SLC4A4: variants seen among roughly 807,000 people sequenced by gnomAD.
The protein encoded by SLC4A4 is electrogenic sodium bicarbonate cotransporter 1.
Under a neutral mutation model 111.5 loss-of-function variants are expected in SLC4A4, and 27 were observed. That is an observed-to-expected ratio of 0.24 (90% CI 0.18 to 0.33). The LOEUF (loss-of-function observed/expected upper bound fraction) is 0.33. SLC4A4 is among the 10% of genes least tolerant of loss of function. The pLI is 1.00. For synonymous variants in SLC4A4, 443 were observed against 463.4 expected, an observed-to-expected ratio of 0.96 and a Z score of 0.57; for missense variants, 909 against 1,315.5, an observed-to-expected ratio of 0.69 and a Z score of 4.78.
intron 2 of SLC4A4, among the ~76,000 whole-genome samples, chr4:71,120,105 G>A (rs1441780111): frequency 6.6e-6 from 1 of 152,092 alleles, no homozygotes; most frequent in African/African-American, 2.4e-5. Flanking sequence ...TCTTATGCTT[G>A]TGGTTTCTAC....
intron 1 of SLC4A4, among the ~76,000 whole-genome samples, chr4:71,084,699 C>T (rs1203830125): frequency 3.9e-5 from 6 of 152,056 alleles, no homozygotes; most frequent in African/African-American, 1.5e-4. Context: ...ATGATGGTTT[C>T]CAGCTTCATC....
At chr4:71,451,145 T>C in intron 10 of SLC4A4, 43 bp from the exon 11 acceptor site, 8 of 1,275,694 alleles carry the variant, frequency 6.3e-6, no homozygotes, top group Non-Finnish European at 9.2e-6. Context: ...AGCGAATGAA[T>C]AAAATAAACT....
chr4:71,417,709 AT>A (rs560647859), intron 7 of SLC4A4, among the ~76,000 whole-genome samples: 262 of 152,334 alleles, frequency 1.7e-3, no homozygotes, highest in African/African-American at 6.1e-3. Context: ...CTCATTAAAA[AT>A]TTTAAAGGTA....
In SLC4A4 at chr4:71,568,546, C is replaced by T. The variant is rs1361268314; in HGVS notation, c.*795C>T. 6.6e-6 allele frequency: 1 copy of T among 152,086 alleles called. No homozygotes were observed. The highest frequency in any genetic ancestry group is 6.6e-5 in the Admixed American group (1 of 15,168). 9.4% of individuals were successfully genotyped at this position (152,086 alleles called of 1,614,324 possible). ...CTTTAATGAACTTATCTGTTGAGTA[C>T]ATTGAAGAATATTTTTCTTCCTAGA... On this transcript the variant is annotated 3_prime_UTR_variant, in exon 26 of 26. Transcript: ENST00000264485.
At chr4:71,512,991 G>A (rs1378742856) in intron 16 of SLC4A4, among the ~76,000 whole-genome samples, 2 of 152,024 alleles carry the variant, frequency 1.3e-5, no homozygotes, top group African/African-American at 4.8e-5. Context: ...TGGTCTACGT[G>A]TCTATTTTTA....
chr4:71,085,672 C>A (rs138742340), intron 1 of SLC4A4, among the ~76,000 whole-genome samples: 1 of 151,862 alleles, frequency 6.6e-6, no homozygotes, highest in Admixed American at 6.6e-5. Context: ...AATCCTTTCC[C>A]CATTGCTTGT....
At chr4:71,072,693 A>C (rs1190467292) in intron 1 of SLC4A4, among the ~76,000 whole-genome samples, 1 of 152,042 alleles carries the variant, frequency 6.6e-6, no homozygotes, top group Admixed American at 6.6e-5. Flanking sequence ...ATGATGTTGA[A>C]TCTTTCTAAT....
rs139372426 is a variant in SLC4A4 at position 71,231,867 on chromosome 4, G to C, written c.-1-4709G>C. ...AAGGAGGAACTAGTTGGGTCAGATG[G>C]TTATTTTAAAAGATATCTCTGTCTT... On this transcript the variant is annotated intron_variant, in intron 1 of 25. Transcript: ENST00000264485. Among the ~76,000 whole-genome samples, 31 of 152,288 alleles carry C rather than the reference G, an allele frequency of 2.0e-4. No homozygotes were observed. In the East Asian group the frequency reaches 6.0e-3, roughly 29 times the overall value.
chr4:71,493,024 G>A (rs560031370), intron 15 of SLC4A4, among the ~76,000 whole-genome samples: 2 of 151,738 alleles, frequency 1.3e-5, no homozygotes, highest in African/African-American at 4.8e-5. Context: ...TACCTGTAAA[G>A]GTTACATTCG....
intron 3 of SLC4A4, among the ~76,000 whole-genome samples, chr4:71,333,898 T>TTTTTTTTTTTTTTTTTTTTGAGACGG (rs1478636727): frequency 6.6e-6 from 1 of 152,092 alleles, no homozygotes; most frequent in South Asian, 2.1e-4. Flanking sequence ...CCTGGGTTTC[T>TTTTTTTTTTTTTTTTTTTTGAGACGG]AACTTCAGGG....
At chr4:71,426,597 T>C (rs566343196) in intron 7 of SLC4A4, among the ~76,000 whole-genome samples, 3 of 152,142 alleles carry the variant, frequency 2.0e-5, no homozygotes, top group Non-Finnish European at 4.4e-5. Flanking sequence ...TATGTATAGT[T>C]CTTGGTAGGT....
At chr4:71,066,173 A>G (rs1035747220) in intron 1 of SLC4A4, among the ~76,000 whole-genome samples, 4 of 152,316 alleles carry the variant, frequency 2.6e-5, no homozygotes, top group East Asian at 1.9e-4. Context: ...AGATGGGGCA[A>G]TTGAAGTTCA....
At chr4:71,314,147 T>A (rs1726456695) in intron 3 of SLC4A4, among the ~76,000 whole-genome samples, 1 of 152,118 alleles carries the variant, frequency 6.6e-6, no homozygotes, top group South Asian at 2.1e-4. Flanking sequence ...AAGGCATTTA[T>A]GTGGCCAAGA....
At chr4:71,182,597 T>C (rs1745327699), upstream of SLC4A4, among the ~76,000 whole-genome samples, 1 of 152,130 alleles carries the variant, frequency 6.6e-6, no homozygotes, top group African/African-American at 2.4e-5. Flanking sequence ...AGCTTTTAAG[T>C]GGCCTGCTAT....
chr4:71,089,848 C>T (rs1742324024), intron 1 of SLC4A4, among the ~76,000 whole-genome samples: 1 of 151,294 alleles, frequency 6.6e-6, no homozygotes, highest in South Asian at 2.1e-4. Context: ...GGGTCAGGAA[C>T]CCACTTGAGG....
rs1203694749 is a variant in SLC4A4, at chr4:71,453,751, G to T, written c.1497+82G>T. The stretch of plus-strand genomic sequence containing the variant: ...CCTACAGCTCAGTTAGAAGCAGATG[G>T]CCTTTCAGTTACTCAGCGTGATTTT... On this transcript the variant is annotated intron_variant, in intron 12 of 25. Coordinates refer to ENST00000264485, the MANE Select transcript of SLC4A4 (RefSeq NM_001098484.3). 6.3e-6 allele frequency: 8 copies of T among 1,278,532 alleles called. No individual in the cohort carries two copies. In the East Asian group the frequency reaches 9.3e-5, roughly 15 times the overall value. The allele number at this position is 1,278,532 out of a possible 1,614,324, so 79.2% of individuals were successfully genotyped here. A position where few individuals can be genotyped will look rare whatever the true frequency, so the allele number is the denominator to read the frequency against.
chr4:71,177,574 G>C (rs926848210), intron 2 of SLC4A4, among the ~76,000 whole-genome samples: 1 of 152,114 alleles, frequency 6.6e-6, no homozygotes, highest in Non-Finnish European at 1.5e-5. Flanking sequence ...GATCAAAAGA[G>C]ACAAAGAAGG....
intron 2 of SLC4A4, among the ~76,000 whole-genome samples, chr4:71,250,157 T>C (rs1172240552): frequency 1.3e-5 from 2 of 151,738 alleles, no homozygotes; most frequent in African/African-American, 4.8e-5. Flanking sequence ...AAAAAATAAA[T>C]CTCTTAATTT....
At chr4:71,091,101 C>A (rs1742373632) in intron 1 of SLC4A4, among the ~76,000 whole-genome samples, 1 of 152,118 alleles carries the variant, frequency 6.6e-6, no homozygotes, top group South Asian at 2.1e-4. Context: ...TTGCGCACCA[C>A]CATACTCAGC....
Sources: allele counts gnomAD v4.1 joint callset (sites outside exome capture counted in the v4.1 genomes callset), GRCh38; gene constraint gnomAD v4.1.1; transcripts MANE v1.5; gene names NCBI Gene and HGNC (gene_info 2026-07-23, HGNC 2026-07-21).